Variants in GNAQ observed in about 807,000 individuals in gnomAD.
GNAQ encodes G protein subunit alpha q, also known as guanine nucleotide-binding protein G(q) subunit alpha.
In GNAQ, 8 loss-of-function variants were observed where a neutral mutation model predicts 43.9. The ratio of observed to expected loss-of-function variants is 0.18; its 90% CI spans 0.11 to 0.33. The LOEUF is 0.33. Ranked by LOEUF, GNAQ falls within the 10% of genes least tolerant of loss-of-function variation. GNAQ has a pLI of 1.00. For missense variants in GNAQ, 158 were observed against 450.8 expected (o/e 0.35, Z 5.88); for synonymous variants, 155 against 170.7 (o/e 0.91, Z 0.71).
chr9:77,830,210 C>T (rs796230061), intron 2 of GNAQ, among the ~76,000 whole-genome samples: 1 of 152,314 alleles, frequency 6.6e-6, no homozygotes, highest in African/African-American at 2.4e-5. Context: ...ATCTTGGTCT[C>T]TCAAAGTGCT....
intron 2 of GNAQ, among the ~76,000 whole-genome samples, chr9:77,855,908 T>C (rs569564647): frequency 6.6e-6 from 1 of 152,342 alleles, no homozygotes; most frequent in East Asian, 1.9e-4. Context: ...TTATACACAC[T>C]TTGGTTAATG....
intron 2 of GNAQ, among the ~76,000 whole-genome samples, chr9:77,893,870 G>C (rs1828444755): frequency 6.6e-6 from 1 of 152,156 alleles, no homozygotes. Flanking sequence ...GCATCCATTA[G>C]AGGTGAAGTC....
At chr9:77,839,220 CAA>C (rs1469867152) in intron 2 of GNAQ, among the ~76,000 whole-genome samples, 2 of 152,190 alleles carry the variant, frequency 1.3e-5, no homozygotes, top group Admixed American at 1.3e-4. Context: ...ATTGGTTAAT[CAA>C]AACTAGAAGT....
chr9:77,975,145 G>T (rs1823282638), intron 1 of GNAQ, among the ~76,000 whole-genome samples: 1 of 152,118 alleles, frequency 6.6e-6, no homozygotes, highest in Admixed American at 6.5e-5. Context: ...CTGTACATAA[G>T]TAACTCAACA....
chr9:77,759,112 A>G lies in GNAQ; in HGVS notation c.736-30445T>C, dbSNP rs539647666. On this transcript the variant is annotated intron_variant, in intron 5 of 6. Transcript: ENST00000286548. ...TTCTTAGCAGAATTTCTGTAGATTC[A>G]TGTGAAAAGAAATATTTCTGATTTC... Among the ~76,000 whole-genome samples the G allele has an allele frequency of 8.5e-5, 13 of 152,350 alleles. No individual in the cohort carries two copies. In the South Asian group the frequency reaches 2.5e-3, roughly 29 times the overall value.
chr9:77,942,580 G>T (rs765317959), intron 1 of GNAQ, among the ~76,000 whole-genome samples: 8 of 152,062 alleles, frequency 5.3e-5, no homozygotes, highest in Non-Finnish European at 8.8e-5. Context: ...AAATAATAAG[G>T]CATTCCCAAT....
intron 2 of GNAQ, among the ~76,000 whole-genome samples, chr9:77,863,179 A>AAAGGAAGAAAGGAAGGAAGG (rs1827884114): frequency 7.7e-6 from 1 of 130,030 alleles, no homozygotes; most frequent in Non-Finnish European, 1.6e-5. Context: ...CGTATGAAAG[A>AAAGGAAGAAAGGAAGGAAGG]AAGGAAGGAA....
chr9:77,820,494 C>T (rs1055452589), intron 2 of GNAQ, among the ~76,000 whole-genome samples: 16 of 152,130 alleles, frequency 1.1e-4, no homozygotes, highest in African/African-American at 3.4e-4. Context: ...GTGATTCACT[C>T]CCATAAAACA....
chr9:77,796,605 A>C (rs959215693), intron 4 of GNAQ, among the ~76,000 whole-genome samples: 1 of 152,224 alleles, frequency 6.6e-6, no homozygotes, highest in Non-Finnish European at 1.5e-5. Context: ...ACCAGCAGTG[A>C]GAGATGAGGT....
intron 1 of GNAQ, among the ~76,000 whole-genome samples, chr9:78,026,379 T>C (rs750951501): frequency 4.9e-4 from 75 of 152,328 alleles, no homozygotes; most frequent in Admixed American, 2.5e-3. Context: ...TGTTCCCACT[T>C]TGTTCTTCTG....
At chr9:77,764,636 T>C (rs1200385523) in intron 5 of GNAQ, among the ~76,000 whole-genome samples, 1 of 152,122 alleles carries the variant, frequency 6.6e-6, no homozygotes, top group Non-Finnish European at 1.5e-5. Flanking sequence ...TTTGTATTTT[T>C]AGTAGAGACG....
At chr9:77,749,930 T>A (rs1825786194) in intron 5 of GNAQ, among the ~76,000 whole-genome samples, 1 of 152,188 alleles carries the variant, frequency 6.6e-6, no homozygotes, top group African/African-American at 2.4e-5. Context: ...TCATACATTG[T>A]AATTGTTCAT....
chr9:77,825,584 G>A (rs947003223), intron 2 of GNAQ, among the ~76,000 whole-genome samples: 2 of 152,182 alleles, frequency 1.3e-5, no homozygotes, highest in Non-Finnish European at 2.9e-5. Flanking sequence ...ATGCCCACAC[G>A]CTGTCTTTGA....
intron 2 of GNAQ, among the ~76,000 whole-genome samples, chr9:77,832,253 A>G (rs1244624738): frequency 1.3e-5 from 2 of 152,178 alleles, no homozygotes; most frequent in African/African-American, 4.8e-5. Flanking sequence ...GCTAAGTTTC[A>G]TCTACAAGGA....
At chr9:77,861,232 A>G (rs999851543) in intron 2 of GNAQ, among the ~76,000 whole-genome samples, 1 of 152,186 alleles carries the variant, frequency 6.6e-6, no homozygotes, top group African/African-American at 2.4e-5. Flanking sequence ...CACTATCACA[A>G]GAATAGCCCA....
At chr9:77,862,052 T>C (rs1291035290) in intron 2 of GNAQ, among the ~76,000 whole-genome samples, 2 of 150,570 alleles carry the variant, frequency 1.3e-5, no homozygotes, top group Non-Finnish European at 2.9e-5. Context: ...CCCATGGTCT[T>C]GGACAGTTCT....
At chr9:77,975,530 C>CT (rs1247436367) in intron 1 of GNAQ, among the ~76,000 whole-genome samples, 2 of 135,992 alleles carry the variant, frequency 1.5e-5, no homozygotes, top group Non-Finnish European at 1.5e-5. Context: ...CTGTTATCAG[C>CT]CCCCCCTTTT....
chr9:77,933,583 T>G (rs754636460), intron 1 of GNAQ, among the ~76,000 whole-genome samples: 10 of 151,752 alleles, frequency 6.6e-5, no homozygotes, highest in Non-Finnish European at 1.5e-4. Context: ...AGGCAGAGGT[T>G]GCAGTGACCT....
At chr9:77,835,036 T>C (rs2118562051) in intron 2 of GNAQ, among the ~76,000 whole-genome samples, 1 of 152,200 alleles carries the variant, frequency 6.6e-6, no homozygotes, top group East Asian at 1.9e-4. Context: ...CCACAGACAG[T>C]ACTGAATCCT....
Sources: allele counts gnomAD v4.1 joint callset (sites outside exome capture counted in the v4.1 genomes callset), GRCh38; gene constraint gnomAD v4.1.1; transcripts MANE v1.5; gene names NCBI Gene and HGNC (gene_info 2026-07-23, HGNC 2026-07-21).